FRMPD4: variants seen among roughly 807,000 people sequenced by gnomAD.
The protein encoded by FRMPD4 is FERM and PDZ domain-containing protein 4.
Under a neutral mutation model 94.1 loss-of-function variants are expected in FRMPD4, and 22 were observed. The ratio of observed to expected loss-of-function variants is 0.23; its 90% CI spans 0.17 to 0.33. The LOEUF (loss-of-function observed/expected upper bound fraction) is 0.33. Ranked by LOEUF, FRMPD4 falls within the 10% of genes least tolerant of loss-of-function variation. FRMPD4 has a pLI of 1.00. For synonymous variants in FRMPD4, 631 were observed against 548.6 expected, an observed-to-expected ratio of 1.15 and a Z score of -2.10; for missense variants, 1,111 against 1,339.9, an observed-to-expected ratio of 0.83 and a Z score of 2.67.
rs139737043 is a variant in FRMPD4 at position 12,608,496 on chromosome X, C to T, written c.159-1225C>T. On this transcript the variant is annotated intron_variant, in intron 2 of 16. Transcript: ENST00000675598. ...CATTTGAACCACTTGAAAATCTTTC[C>T]GGAGAACAAATGCCAAGAGTTAAGT... Among the ~76,000 whole-genome samples the T allele has an allele frequency of 2.9e-3, 330 of 112,323 alleles. 1 individual carries two copies. The highest frequency in any genetic ancestry group is 5.3e-3 in the Non-Finnish European group (281 of 53,252).
intron 1 of FRMPD4, among the ~76,000 whole-genome samples, chrX:12,176,523 T>C (rs6639154): frequency 0.076 from 8,566 of 112,033 alleles, 911 homozygotes; most frequent in East Asian, 0.61. Context: ...ATCTGTATAA[T>C]TAAAATCAAA....
intron 1 of FRMPD4, among the ~76,000 whole-genome samples, chrX:12,443,409 T>C (rs1351986017): frequency 8.9e-6 from 1 of 112,408 alleles, no homozygotes; most frequent in Non-Finnish European, 1.9e-5. Context: ...TAAGCAATGT[T>C]TTTTTAAATT....
At chrX:12,471,110 A>G (rs2057506775) in intron 1 of FRMPD4, among the ~76,000 whole-genome samples, 1 of 112,061 alleles carries the variant, frequency 8.9e-6, no homozygotes, top group Non-Finnish European at 1.9e-5. Context: ...CAGCATTCAA[A>G]TCAGCACCTA....
chrX:12,448,293 A>C (rs2057224953), intron 1 of FRMPD4, among the ~76,000 whole-genome samples: 1 of 112,388 alleles, frequency 8.9e-6, no homozygotes, highest in Admixed American at 9.4e-5. Context: ...AAAGAATAAA[A>C]ATTTATTATT....
chrX:12,345,115 C>T (rs765251269), intron 1 of FRMPD4, among the ~76,000 whole-genome samples: 2 of 60,135 alleles, frequency 3.3e-5, no homozygotes, highest in African/African-American at 2.4e-4. Context: ...GATGGATGAA[C>T]AGACAGACAA....
chrX:12,151,278 T>C (rs1237082254), intron 1 of FRMPD4, among the ~76,000 whole-genome samples: 1 of 111,456 alleles, frequency 9.0e-6, no homozygotes, highest in East Asian at 2.8e-4. Context: ...GCTGGAAGGA[T>C]ACACAAAAAA....
intron 1 of FRMPD4, among the ~76,000 whole-genome samples, chrX:12,468,237 A>C: frequency 8.9e-6 from 1 of 112,357 alleles, no homozygotes; most frequent in East Asian, 2.8e-4. Context: ...AGCTGTGTGT[A>C]AATTTTTTGT....
chrX:11,967,750 G>GTTT (rs1267447992), intron 3 of FRMPD4, among the ~76,000 whole-genome samples: 24 of 80,138 alleles, frequency 3.0e-4, no homozygotes, highest in East Asian at 1.6e-3. Flanking sequence ...GTGTGTGTGT[G>GTTT]TGTGTGTTTT....
intron 2 of FRMPD4, among the ~76,000 whole-genome samples, chrX:12,557,464 G>A (rs2058607958): frequency 8.9e-6 from 1 of 112,266 alleles, no homozygotes; most frequent in African/African-American, 3.2e-5. Flanking sequence ...CCCAACAAAA[G>A]ACAGTTTTTC....
intron 1 of FRMPD4, among the ~76,000 whole-genome samples, chrX:12,225,821 G>C (rs1216361593): frequency 4.5e-5 from 5 of 112,097 alleles, no homozygotes; most frequent in Non-Finnish European, 9.4e-5. Context: ...CCTTTTACAA[G>C]TGTCAATAAT....
intron 4 of FRMPD4, among the ~76,000 whole-genome samples, chrX:12,620,804 C>T (rs1488731860): frequency 8.9e-6 from 1 of 112,587 alleles, no homozygotes; most frequent in Admixed American, 9.3e-5. Context: ...ATCTAGCAGA[C>T]CCCATTGCAA....
At chrX:12,203,704 CAGA>C (rs1405785889) in intron 1 of FRMPD4, among the ~76,000 whole-genome samples, 4 of 112,518 alleles carry the variant, frequency 3.6e-5, no homozygotes, top group Non-Finnish European at 7.5e-5. Context: ...ACTTGCTTCT[CAGA>C]AGGATTCTGT....
At chrX:12,123,358 G>A (rs2055473420) in intron 3 of FRMPD4, among the ~76,000 whole-genome samples, 1 of 110,408 alleles carries the variant, frequency 9.1e-6, no homozygotes, top group Non-Finnish European at 1.9e-5. Flanking sequence ...AGTTGGTCTC[G>A]AACTCCTGGG....
chrX:12,026,729 C>T (rs1225581521), intron 3 of FRMPD4, among the ~76,000 whole-genome samples: 1 of 112,421 alleles, frequency 8.9e-6, no homozygotes, highest in African/African-American at 3.2e-5. Flanking sequence ...GCATTCTGCC[C>T]TTCACCATCA....
intron 1 of FRMPD4, among the ~76,000 whole-genome samples, chrX:12,439,636 G>A (rs921301429): frequency 1.8e-5 from 2 of 111,750 alleles, no homozygotes; most frequent in South Asian, 3.8e-4. Context: ...AGCTCATTTC[G>A]TTTTGTTTTC....
intron 3 of FRMPD4, among the ~76,000 whole-genome samples, chrX:11,885,897 T>C (rs1046309591): frequency 2.7e-5 from 3 of 112,140 alleles, no homozygotes; most frequent in African/African-American, 9.7e-5. Flanking sequence ...TCTATTCCAC[T>C]GACCTTATTA....
intron 2 of FRMPD4, among the ~76,000 whole-genome samples, chrX:12,608,544 G>A (rs1290041096): frequency 8.9e-6 from 1 of 112,375 alleles, no homozygotes; most frequent in Non-Finnish European, 1.9e-5. Context: ...TGGAAATGGA[G>A]ATGTGTTTGA....
chrX:11,850,387 A>C (rs7888276), intron 1 of FRMPD4, among the ~76,000 whole-genome samples: 23 of 112,519 alleles, frequency 2.0e-4, no homozygotes, highest in Non-Finnish European at 3.8e-4. Flanking sequence ...GGAAAAGAGT[A>C]TGATAGTTCC....
chrX:12,678,907 C>G (rs2059932314), intron 5 of FRMPD4, among the ~76,000 whole-genome samples: 1 of 112,732 alleles, frequency 8.9e-6, no homozygotes. Flanking sequence ...TCTCTCAGTT[C>G]TGGTGTCCCA....
Sources: allele counts gnomAD v4.1 joint callset (sites outside exome capture counted in the v4.1 genomes callset), GRCh38; gene constraint gnomAD v4.1.1; transcripts MANE v1.5; gene names NCBI Gene and HGNC (gene_info 2026-07-23, HGNC 2026-07-21).